MAPK8IP3: variants seen among roughly 807,000 people sequenced by gnomAD.
MAPK8IP3 encodes C-Jun-amino-terminal kinase-interacting protein 3.
MAPK8IP3 carries 49 observed loss-of-function variants against 157.8 expected under a neutral mutation model. The observed-to-expected ratio is 0.31, with a 90% CI of 0.25 to 0.39. The LOEUF is 0.39. Among genes scored for constraint, MAPK8IP3 ranks in the 10% least tolerant of loss-of-function variants. The pLI is 1.00. For synonymous variants in MAPK8IP3, 897 were observed against 777.7 expected (o/e 1.15, Z -2.55); for missense variants, 1,478 against 1,889.4 (o/e 0.78, Z 4.04).
chr16:1,727,073 G>C (rs1035371205), intron 2 of MAPK8IP3, among the ~76,000 whole-genome samples: 1 of 151,384 alleles, frequency 6.6e-6, no homozygotes, highest in African/African-American at 2.4e-5. Flanking sequence ...GTTGTGTGCT[G>C]TGTGTGGCGT....
chr16:1,744,493 C>G (rs1364190968), intron 5 of MAPK8IP3: 1 of 985,640 alleles, frequency 1.0e-6, no homozygotes, highest in East Asian at 1.1e-4. Context: ...GGAACGCTCT[C>G]CTGTCCTCCC....
rs1567217241 is a variant in MAPK8IP3 at position 1,768,743 on chromosome 16, C to T, written c.3933C>T (p.Asp1311=). Residue 1311 remains aspartate, a synonymous_variant, in exon 32 of 32, where the codon GAC becomes GAT. Transcript: ENST00000610761. ...ACGAGACGGAGGAGGGCGCAGGGGA[C>T]ATGAGCCAGGTGAAGCCCGTGCTGT... is the stretch of plus-strand genomic sequence containing the variant. ...EDDETEEGAG[D]MSQVKPVLSK... 4 of 1,612,792 alleles carry T rather than the reference C, an allele frequency of 2.5e-6. No individual in the cohort carries two copies. Among genetic ancestry groups the T allele is most frequent in the African/African-American group, 1.3e-5 (1 of 75,016 alleles).
At chr16:1,750,217 T>A (rs1400312511) in intron 8 of MAPK8IP3, among the ~76,000 whole-genome samples, 1 of 152,160 alleles carries the variant, frequency 6.6e-6, no homozygotes, top group Admixed American at 6.5e-5. Flanking sequence ...TTTATTTATT[T>A]ATTTATTTAT....
chr16:1,766,108 C>G lies in MAPK8IP3; in HGVS notation c.2595C>G (p.Ser865=), dbSNP rs1372488842. The G allele has an allele frequency of 1.2e-6, 2 of 1,612,602 alleles. No individual in the cohort carries two copies. Among genetic ancestry groups the G allele is most frequent in the Non-Finnish European group, 1.7e-6 (2 of 1,179,850 alleles). The change falls in exon 21 of 32, where the codon TCC becomes TCG. Residue 865 remains serine (S), a synonymous_variant. Coordinates refer to ENST00000610761, the MANE Select transcript of MAPK8IP3 (RefSeq NM_001318852.2). The part of the protein sequence containing the change: ...RCNVPRSNCS[S]RGDTPVLDKG... ...ACGTGCCGCGGAGCAACTGCTCCTC[C>G]CGAGGGGACACCCCAGTGCTAGACA... is the stretch of plus-strand genomic sequence containing the variant.
At chr16:1,750,637 A>G (rs564803431) in intron 8 of MAPK8IP3, among the ~76,000 whole-genome samples, 22 of 149,848 alleles carry the variant, frequency 1.5e-4, no homozygotes, top group Non-Finnish European at 3.0e-4. Context: ...CCTCCCCACC[A>G]TGCTATAATG....
chr16:1,743,779 T>A lies in MAPK8IP3; in HGVS notation c.747+303T>A. 2 of 1,283,504 alleles carry A rather than the reference T, an allele frequency of 1.6e-6. No individual in the cohort carries two copies. Among genetic ancestry groups the A allele is most frequent in the Non-Finnish European group, 2.0e-6 (2 of 1,016,686 alleles). 79.5% of individuals were successfully genotyped at this position (1,283,504 alleles called of 1,614,324 possible). The stretch of plus-strand genomic sequence containing the variant: ...CAGGGGTGTACAGTGCCTGTCAGGG[T>A]TGAGCTTAGTGATCCTCTCTCAAAC... On this transcript the variant is annotated intron_variant, in intron 5 of 31. Coordinates refer to ENST00000610761, the MANE Select transcript of MAPK8IP3 (RefSeq NM_001318852.2). This position sits in a 1 kb window ranked among gnomAD's most constrained non-coding sequence, Gnocchi z 5.6.
chr16:1,762,492 C>G lies in MAPK8IP3; in HGVS notation c.1670+11C>G, dbSNP rs776520961. On this transcript the variant is annotated intron_variant, in intron 14 of 31. Transcript: ENST00000610761. ...GACTGAGATGATCAGGTGGGAGTTGCGGCCACCCCAGGAGGGGCTGCGGGA... is the reference window on the plus strand; with the variant it reads ...GACTGAGATGATCAGGTGGGAGTTGGGGCCACCCCAGGAGGGGCTGCGGGA... 1 of 1,610,792 alleles carries G rather than the reference C, an allele frequency of 6.2e-7. No individual in the cohort carries two copies. Among genetic ancestry groups the G allele is most frequent in the South Asian group, 1.1e-5 (1 of 90,718 alleles).
chr16:1,732,756 A>T (rs148727646), intron 4 of MAPK8IP3, among the ~76,000 whole-genome samples: 4,632 of 150,828 alleles, frequency 0.031, 90 homozygotes, highest in Non-Finnish European at 0.045. Flanking sequence ...TGTGGATGCC[A>T]GCTTGCCCCG....
In MAPK8IP3 at chr16:1,747,013, CTG is replaced by C; in HGVS notation, c.748-12_748-11del. ...TGCAGTGACTCGCTCTCCCTCCTCC[CTG>C]TGTTTGGCCTTAGTGTCCACAGGAT... On this transcript the variant is annotated splice_polypyrimidine_tract_variant and intron_variant, in intron 5 of 31. Coordinates refer to ENST00000610761, the MANE Select transcript of MAPK8IP3 (RefSeq NM_001318852.2). 2.5e-6 allele frequency: 4 copies of C among 1,611,750 alleles called. No homozygotes were observed. The highest frequency in any genetic ancestry group is 3.4e-6 in the Non-Finnish European group (4 of 1,178,614).
chr16:1,755,381 G>GC (rs2041532840), intron 8 of MAPK8IP3, among the ~76,000 whole-genome samples: 1 of 152,194 alleles, frequency 6.6e-6, no homozygotes, highest in South Asian at 2.1e-4. Context: ...ACAGAATGCA[G>GC]CCGGGTGTGC....
Position 1,711,240 on chromosome 16 carries a change from G to A in MAPK8IP3, c.318+4583G>A, listed in dbSNP as rs575046627. Among the ~76,000 whole-genome samples the A allele has an allele frequency of 2.0e-5, 3 of 152,326 alleles. No individual in the cohort carries two copies. In the East Asian group the frequency reaches 5.8e-4, roughly 29 times the overall value. ...GCGTCTTCCCACGCTGCTTTCTCTG[G>A]CTGTGTAAGGGGCTCAGGGGTCCCT... On this transcript the variant is annotated intron_variant, in intron 1 of 31. Transcript: ENST00000610761.
At chr16:1,763,838 TAA>T in intron 17 of MAPK8IP3, 55 bp downstream of exon 17, 1 of 704,602 alleles carries the variant, frequency 1.4e-6, no homozygotes, top group East Asian at 9.7e-5. Context: ...GGGGCGGGGG[TAA>T]GGGGCGGGGC....
chr16:1,764,337 A>G lies in MAPK8IP3; in HGVS notation c.2158A>G (p.Arg720Gly), dbSNP rs957699156. 17 of 1,576,934 alleles carry G rather than the reference A, an allele frequency of 1.1e-5. No homozygotes were observed. In the Admixed American group the frequency reaches 2.2e-4, roughly 21 times the overall value. Reference protein sequence around the residue: ...CAAGVNLSGWRPNEDDAGNGV... With the variant: ...CAAGVNLSGWGPNEDDAGNGV... The stretch of plus-strand genomic sequence containing the variant: ...CGCGGGCGTCAACCTGAGCGGGTGG[A>G]GGCCCAATGAGGACGACGCTGGGAA... Residue 720 changes from arginine to glycine, a missense_variant, in exon 19 of 32, where the codon AGG becomes GGG. By Grantham distance (125) the Arg-to-Gly change is moderately radical. This residue lies in a region of MAPK8IP3 where 669 missense variants were observed against 759.8 expected (regional missense o/e 0.88). Transcript: ENST00000610761.
At chr16:1,728,878 T>G (rs2039094243) in intron 2 of MAPK8IP3, among the ~76,000 whole-genome samples, 1 of 140,688 alleles carries the variant, frequency 7.1e-6, no homozygotes, top group South Asian at 2.3e-4. Flanking sequence ...CCAGACGGCC[T>G]TCACAGAGCT....
Position 1,769,918 on chromosome 16 carries a change from G to A in MAPK8IP3, c.*1094G>A, listed in dbSNP as rs2042511496. On this transcript the variant is annotated 3_prime_UTR_variant, in exon 32 of 32. Coordinates refer to ENST00000610761, the MANE Select transcript of MAPK8IP3 (RefSeq NM_001318852.2). ...CCCCAGCCGACTCCAAGCCCGCAGA[G>A]GGCAGACGCCACCCTGGACTGCTCT... 1 of 152,346 alleles carries A rather than the reference G, an allele frequency of 6.6e-6. No individual in the cohort carries two copies. The highest frequency in any genetic ancestry group is 1.5e-5 in the Non-Finnish European group (1 of 68,156). The allele number at this position is 152,346 out of a possible 1,614,324, so 9.4% of individuals were successfully genotyped here. A position where few individuals can be genotyped will look rare whatever the true frequency, so the allele number is the denominator to read the frequency against.
At chr16:1,719,856 A>G (rs2038405206) in intron 1 of MAPK8IP3, among the ~76,000 whole-genome samples, 1 of 152,180 alleles carries the variant, frequency 6.6e-6, no homozygotes, top group East Asian at 1.9e-4. Flanking sequence ...AAAGCCTCAA[A>G]AACAAACCAA....
At chr16:1,761,999 C>T (rs2141927466) in intron 13 of MAPK8IP3, among the ~76,000 whole-genome samples, 1 of 152,300 alleles carries the variant, frequency 6.6e-6, no homozygotes, top group East Asian at 1.9e-4. Flanking sequence ...CTCCTGGGGA[C>T]TCGCCGGCTG....
In MAPK8IP3 at chr16:1,706,801, A is replaced by G; in HGVS notation, c.318+144A>G. The G allele has an allele frequency of 1.2e-6, 1 of 802,840 alleles. No homozygotes were observed. The highest frequency in any genetic ancestry group is 1.7e-6 in the Non-Finnish European group (1 of 579,438). The allele number at this position is 802,840 out of a possible 1,614,324, so 49.7% of individuals were successfully genotyped here. A position where few individuals can be genotyped will look rare whatever the true frequency, so the allele number is the denominator to read the frequency against. On this transcript the variant is annotated intron_variant, in intron 1 of 31. Transcript: ENST00000610761. This position sits in a 1 kb window ranked among gnomAD's most constrained non-coding sequence, Gnocchi z 5.1. ...CCCTGGACCCCCAGACCCCGCCCCG[A>G]GACCCGCCTGGACCCCATATCCCCC...
chr16:1,738,625 GGTGTGAGC>G (rs1164453225), intron 4 of MAPK8IP3, among the ~76,000 whole-genome samples: 8 of 77,390 alleles, frequency 1.0e-4, no homozygotes, highest in East Asian at 4.3e-4. Flanking sequence ...TGTGAGCATC[GGTGTGAGC>G]GTGTGAGCGT....
Sources: gnomAD v4.1 joint callset for allele counts (sites outside exome capture counted in the v4.1 genomes callset) on GRCh38, gnomAD v4.1.1 for gene constraint, gnomAD v4.1.1 regional missense constraint, Gnocchi (gnomAD v3.1) non-coding constraint, MANE v1.5 for transcripts, NCBI Gene and HGNC (gene_info 2026-07-23, HGNC 2026-07-21) for gene names.